LARGE1: variants seen among roughly 807,000 people sequenced by gnomAD.
The protein encoded by LARGE1 is xylosyl- and glucuronyltransferase LARGE1.
In LARGE1, 43 loss-of-function variants were observed where a neutral mutation model predicts 87.6. The observed-to-expected ratio is 0.49, with a 90% CI of 0.38 to 0.63. The LOEUF is 0.63. Among genes scored for constraint, LARGE1 ranks in the 30% least tolerant of loss-of-function variants. The probability of loss-of-function intolerance (pLI) is 0.00; values close to 1 mark genes in which losing one functional copy is unlikely to be tolerated. For synonymous variants in LARGE1, 434 were observed against 394.6 expected, an observed-to-expected ratio of 1.10 and a Z score of -1.18; for missense variants, 802 against 1,000.2, an observed-to-expected ratio of 0.80 and a Z score of 2.67.
intron 1 of LARGE1, among the ~76,000 whole-genome samples, chr22:33,852,867 AAAAAAAAAAAAAGAAAG>A (rs1457471917): frequency 3.8e-5 from 4 of 105,078 alleles, no homozygotes; most frequent in Admixed American, 1.1e-4. Context: ...AAAAAAAAAA[AAAAAAAAAAAAAGAAAG>A]AAAGAAAGAA....
chr22:33,338,696 T>A (rs1250065324), intron 9 of LARGE1, among the ~76,000 whole-genome samples: 3 of 152,214 alleles, frequency 2.0e-5, no homozygotes, highest in Admixed American at 2.0e-4. Context: ...AAGTGCTCAG[T>A]AGATGCTGGT....
At chr22:33,265,412 C>T (rs528743811) in intron 11 of LARGE1, among the ~76,000 whole-genome samples, 3 of 152,142 alleles carry the variant, frequency 2.0e-5, no homozygotes, top group African/African-American at 7.2e-5. Context: ...AGCGCTCTCT[C>T]GTCTTGACAC....
At chr22:33,386,514 CA>C (rs2065327635) in intron 7 of LARGE1, among the ~76,000 whole-genome samples, 1 of 148,682 alleles carries the variant, frequency 6.7e-6, no homozygotes, top group Admixed American at 6.7e-5. Flanking sequence ...GTTTAACCAT[CA>C]GCTCTCTGGG....
intron 6 of LARGE1, among the ~76,000 whole-genome samples, chr22:33,554,694 T>C (rs1020079164): frequency 1.3e-5 from 2 of 152,184 alleles, no homozygotes; most frequent in Non-Finnish European, 2.9e-5. Context: ...TGTCGCACTT[T>C]TTATATCACC....
intron 6 of LARGE1, among the ~76,000 whole-genome samples, chr22:33,438,011 G>A (rs1490901877): frequency 6.6e-6 from 1 of 151,914 alleles, no homozygotes; most frequent in African/African-American, 2.4e-5. Context: ...CTCCCCAAAA[G>A]CTTTTCCAAT....
chr22:33,718,595 C>A (rs2082981515), intron 2 of LARGE1, among the ~76,000 whole-genome samples: 1 of 152,224 alleles, frequency 6.6e-6, no homozygotes, highest in Non-Finnish European at 1.5e-5. Context: ...GGGCTAAGTT[C>A]TTTCCATCCT....
chr22:33,621,761 C>T (rs1386334484), intron 4 of LARGE1, among the ~76,000 whole-genome samples: 1 of 152,136 alleles, frequency 6.6e-6, no homozygotes, highest in African/African-American at 2.4e-5. Context: ...CAGAATCATT[C>T]CCATTTGTAT....
chr22:33,634,639 A>C (rs370997840), intron 3 of LARGE1, among the ~76,000 whole-genome samples: 4 of 151,934 alleles, frequency 2.6e-5, no homozygotes, highest in African/African-American at 9.7e-5. Context: ...AAGAGATGAG[A>C]ATGGGTATAG....
At chr22:33,581,699 C>A (rs2078523061) in intron 5 of LARGE1, among the ~76,000 whole-genome samples, 1 of 151,416 alleles carries the variant, frequency 6.6e-6, no homozygotes, top group Non-Finnish European at 1.5e-5. Flanking sequence ...GTAATCCCAG[C>A]TACTCAGGAA....
chr22:33,646,652 G>A (rs932176830), intron 3 of LARGE1, among the ~76,000 whole-genome samples: 1 of 151,734 alleles, frequency 6.6e-6, no homozygotes, highest in Non-Finnish European at 1.5e-5. Flanking sequence ...ACTGTTTTAT[G>A]TTTCAAGGAA....
At chr22:33,299,445 TAC>T (rs967877380) in intron 12 of LARGE1, among the ~76,000 whole-genome samples, 5 of 152,168 alleles carry the variant, frequency 3.3e-5, no homozygotes, top group Non-Finnish European at 5.9e-5. Flanking sequence ...ACATGCTCAC[TAC>T]ACAGTTTTTG....
At chr22:33,738,072 G>T (rs146969363) in intron 2 of LARGE1, among the ~76,000 whole-genome samples, 259 of 152,278 alleles carry the variant, frequency 1.7e-3, no homozygotes, top group Middle Eastern at 6.8e-3. Flanking sequence ...TGGAGATGAC[G>T]TTGTTTTATT....
chr22:33,655,467 G>A lies in LARGE1; in HGVS notation c.107-4799C>T, dbSNP rs368365056. Among the ~76,000 whole-genome samples, 213 of 152,182 alleles carry A rather than the reference G, an allele frequency of 1.4e-3. 1 individual carries two copies. The highest frequency in any genetic ancestry group is 4.8e-3 in the African/African-American group (198 of 41,526). On this transcript the variant is annotated intron_variant, in intron 2 of 14. Coordinates refer to ENST00000397394, the MANE Select transcript of LARGE1 (RefSeq NM_133642.5). ...GAGATCTCCTGGTTCTCAGGCTTTCGGACTCAGACTAGAACTACACATCGG... is the reference window on the plus strand; with the variant it reads ...GAGATCTCCTGGTTCTCAGGCTTTCAGACTCAGACTAGAACTACACATCGG...
chr22:33,376,513 G>A (rs2064999322), intron 9 of LARGE1, among the ~76,000 whole-genome samples: 1 of 152,130 alleles, frequency 6.6e-6, no homozygotes, highest in South Asian at 2.1e-4. Context: ...CATTCAAACT[G>A]CAAACCAGGA....
intron 11 of LARGE1, among the ~76,000 whole-genome samples, chr22:33,185,997 A>G (rs1280105437): frequency 6.6e-6 from 1 of 152,142 alleles, no homozygotes; most frequent in Non-Finnish European, 1.5e-5. Context: ...GAAAATCTGA[A>G]TTACTCTGTA....
chr22:33,173,268 A>G (rs1922677874), intron 11 of LARGE1, among the ~76,000 whole-genome samples: 1 of 152,208 alleles, frequency 6.6e-6, no homozygotes, highest in Non-Finnish European at 1.5e-5. Context: ...TAAGCTTCAT[A>G]AGCAAAGGAG....
chr22:33,609,940 C>CA (rs1191733473), intron 4 of LARGE1, among the ~76,000 whole-genome samples: 2 of 151,866 alleles, frequency 1.3e-5, no homozygotes, highest in Non-Finnish European at 1.5e-5. Context: ...CTCTTGCTCC[C>CA]ACTCTCCTCT....
chr22:33,467,799 G>A (rs536648680), intron 6 of LARGE1, among the ~76,000 whole-genome samples: 3 of 152,236 alleles, frequency 2.0e-5, no homozygotes, highest in South Asian at 2.1e-4. Context: ...TGGCTGCTCC[G>A]GCTCTAACAT....
At chr22:33,801,886 A>AAAAGAGT (rs75351874) in intron 1 of LARGE1, among the ~76,000 whole-genome samples, 11,257 of 152,200 alleles carry the variant, frequency 0.074, 508 homozygotes, top group Admixed American at 0.11. Context: ...AAGTTGTATC[A>AAAAGAGT]AAAGAGTAAA....
Sources: allele counts gnomAD v4.1 joint callset (sites outside exome capture counted in the v4.1 genomes callset), GRCh38; gene constraint gnomAD v4.1.1; transcripts MANE v1.5; gene names NCBI Gene and HGNC (gene_info 2026-07-23, HGNC 2026-07-21).